The following AXIN1 variants were observed in gnomAD, a reference collection of about 807,000 sequenced individuals.
The protein encoded by AXIN1 is axin-1.
In AXIN1, 30 loss-of-function variants were observed where a neutral mutation model predicts 76.4. The observed-to-expected ratio is 0.39, with a 90% CI of 0.29 to 0.53. The LOEUF is 0.53. Ranked by LOEUF, AXIN1 falls within the 20% of genes least tolerant of loss-of-function variation. The pLI, the probability that AXIN1 is intolerant of heterozygous loss-of-function variation, is 0.66. For synonymous variants in AXIN1, 545 were observed against 501.4 expected, an observed-to-expected ratio of 1.09 and a Z score of -1.16; for missense variants, 1,140 against 1,198.8, an observed-to-expected ratio of 0.95 and a Z score of 0.72.
intron 2 of AXIN1, among the ~76,000 whole-genome samples, chr16:330,809 G>A (rs1358085992): frequency 6.6e-6 from 1 of 152,186 alleles, no homozygotes; most frequent in East Asian, 1.9e-4. Flanking sequence ...AAGCCCCCAG[G>A]AATTTACTGG....
rs562247902 is a variant in AXIN1 at position 298,204 on chromosome 16, C to T, written c.1302G>A (p.Pro434=). ...CGGGGGCGGGAGGCAGCTTGTGACACGGCCCTGGGGGCCCTGACGATGGAT... is the reference window on the plus strand; with the variant it reads ...CGGGGGCGGGAGGCAGCTTGTGACATGGCCCTGGGGGCCCTGACGATGGAT... ...DGDPSSGPPG[P]CHKLPPAPAW... Residue 434 remains proline (P), a synonymous_variant, in exon 6 of 11, where the codon CCG becomes CCA. Transcript: ENST00000262320. 11 of 1,541,186 alleles carry T rather than the reference C, an allele frequency of 7.1e-6. No individual in the cohort carries two copies. Among genetic ancestry groups the T allele is most frequent in the South Asian group, 1.2e-5 (1 of 84,140 alleles).
rs979238700 is a variant in AXIN1, at chr16:352,434, T to G, written c.-147A>C. 3.1e-6 allele frequency: 3 copies of G among 972,732 alleles called. No individual in the cohort carries two copies. The highest frequency in any genetic ancestry group is 3.6e-5 in the African/African-American group (2 of 56,064). 60.3% of individuals were successfully genotyped at this position (972,732 alleles called of 1,614,324 possible). A position where few individuals can be genotyped will look rare whatever the true frequency, so the allele number is the denominator to read the frequency against. ...AGCGGCGCGGCGCGGTCCGGGCCCA[T>G]GCGCTCAGCGGCAGCGCGGCGGGCG... On this transcript the variant is annotated 5_prime_UTR_variant, in exon 1 of 11. An upstream start codon of the reference 5' UTR is lost. Coordinates refer to ENST00000262320, the MANE Select transcript of AXIN1 (RefSeq NM_003502.4).
chr16:289,429 C>T lies in AXIN1; in HGVS notation c.2462+11G>A, dbSNP rs2141466967. 6.2e-7 allele frequency: 1 copy of T among 1,612,778 alleles called. No individual in the cohort carries two copies. Among genetic ancestry groups the T allele is most frequent in the Non-Finnish European group, 8.5e-7 (1 of 1,179,968 alleles). ...CGTGCGGGGAGGGGGCACCCCAGCCCTCACACTCACCTGTAGCTGCCCTTT... is the reference window on the plus strand; with the variant it reads ...CGTGCGGGGAGGGGGCACCCCAGCCTTCACACTCACCTGTAGCTGCCCTTT... On this transcript the variant is annotated intron_variant, in intron 10 of 10. Transcript: ENST00000262320.
intron 2 of AXIN1, among the ~76,000 whole-genome samples, chr16:341,217 G>A (rs545783373): frequency 2.0e-4 from 30 of 152,392 alleles, no homozygotes; most frequent in African/African-American, 6.7e-4. Flanking sequence ...CCCTTTCTGG[G>A]CTGGCCAAGG....
At chr16:319,026 A>G (rs1420653788) in intron 2 of AXIN1, among the ~76,000 whole-genome samples, 1 of 152,116 alleles carries the variant, frequency 6.6e-6, no homozygotes, top group Non-Finnish European at 1.5e-5. Flanking sequence ...AGCTGTGCCC[A>G]GCCCCCCACG....
At chr16:319,320 T>C (rs2053385497) in intron 2 of AXIN1, among the ~76,000 whole-genome samples, 1 of 152,136 alleles carries the variant, frequency 6.6e-6, no homozygotes, top group Non-Finnish European at 1.5e-5. Flanking sequence ...CTCCAGACTC[T>C]GTCTCAAAAA....
chr16:351,094 T>C (rs970218747), intron 1 of AXIN1, among the ~76,000 whole-genome samples: 11 of 147,014 alleles, frequency 7.5e-5, no homozygotes, highest in African/African-American at 2.8e-4. Context: ...ATCACGCCAT[T>C]GGACTCCAGC....
chr16:332,663 CAAA>C (rs34523667), intron 2 of AXIN1, among the ~76,000 whole-genome samples: 4 of 113,746 alleles, frequency 3.5e-5, no homozygotes, highest in African/African-American at 3.1e-5. Context: ...TGATCTAAAC[CAAA>C]AAAAAAAAAA....
At chr16:319,140 G>C (rs17136099) in intron 2 of AXIN1, among the ~76,000 whole-genome samples, 1 of 152,082 alleles carries the variant, frequency 6.6e-6, no homozygotes, top group Non-Finnish European at 1.5e-5. Flanking sequence ...GTAGAGCCAG[G>C]TAGTGACAGA....
Position 297,997 on chromosome 16 carries a change from T to G in AXIN1, c.1509A>C (p.Pro503=). Residue 503 remains proline, a synonymous_variant, in exon 6 of 11, where the codon CCA becomes CCC. Transcript: ENST00000262320. ...CCGAGGCGGCACCCCCCAGTGCCACTGGCATCTTGGCCACGTGCCCACTGT... is the reference window on the plus strand; with the variant it reads ...CCGAGGCGGCACCCCCCAGTGCCACGGGCATCTTGGCCACGTGCCCACTGT... ...SPDSGHVAKM[P]VALGGAASGH... 6.2e-7 allele frequency: 1 copy of G among 1,600,478 alleles called. No homozygotes were observed. The highest frequency in any genetic ancestry group is 1.1e-5 in the South Asian group (1 of 90,406).
chr16:352,345 G>T, intron 1 of AXIN1, 24 bp downstream of exon 1: 1 of 979,050 alleles, frequency 1.0e-6, no homozygotes, highest in Non-Finnish European at 1.2e-6. Context: ...GGCCTAGCCC[G>T]CCCCGGAGCC....
intron 2 of AXIN1, among the ~76,000 whole-genome samples, chr16:316,068 A>C (rs569475755): frequency 2.0e-4 from 30 of 152,162 alleles, no homozygotes; most frequent in East Asian, 1.9e-3. Context: ...TAAAATAAAT[A>C]AATCAATCAG....
At chr16:337,069 G>A (rs182875743) in intron 2 of AXIN1, among the ~76,000 whole-genome samples, 1 of 142,200 alleles carries the variant, frequency 7.0e-6, no homozygotes, top group Non-Finnish European at 1.5e-5. Flanking sequence ...AGGAGCTCTT[G>A]AGCCTGGGAG....
rs2052768804 is a variant in AXIN1 at position 298,149 on chromosome 16, C to T, written c.1357G>A (p.Asp453Asn). 6.5e-7 allele frequency: 1 copy of T among 1,543,768 alleles called. No homozygotes were observed. The change falls in exon 6 of 11, where the codon GAC (aspartate) becomes AAC (asparagine). Residue 453 changes from aspartate (D) to asparagine (N), a missense_variant. Physicochemically the swap from Asp to Asn is conservative, Grantham distance 23. Transcript: ENST00000262320. ...TCCCGGAGCCCGGCACAGCCCATGTCCACACAGCGGGGCGGGAAGTGGTGC... is the reference window on the plus strand; with the variant it reads ...TCCCGGAGCCCGGCACAGCCCATGTTCACACAGCGGGGCGGGAAGTGGTGC... ...AWHHFPPRCV[D>N]MGCAGLRDAH...
At chr16:315,704 G>A (rs2053284348) in intron 2 of AXIN1, among the ~76,000 whole-genome samples, 1 of 152,106 alleles carries the variant, frequency 6.6e-6, no homozygotes, top group African/African-American at 2.4e-5. Context: ...GCGGGCGCCT[G>A]TAGTCCCAGA....
chr16:331,793 G>T (rs1046787122), intron 2 of AXIN1, among the ~76,000 whole-genome samples: 22 of 152,334 alleles, frequency 1.4e-4, no homozygotes, highest in Non-Finnish European at 2.5e-4. Flanking sequence ...AAGCAAAGGT[G>T]CAAGCCTGAC....
chr16:344,699 G>A (rs891494302), intron 2 of AXIN1, among the ~76,000 whole-genome samples: 2 of 152,038 alleles, frequency 1.3e-5, no homozygotes, highest in Non-Finnish European at 2.9e-5. Context: ...ACGTTGGCCA[G>A]GATGGTCTCG....
At chr16:306,654 C>T (rs942995290) in intron 4 of AXIN1, among the ~76,000 whole-genome samples, 2 of 152,180 alleles carry the variant, frequency 1.3e-5, no homozygotes, top group South Asian at 2.1e-4. Context: ...CCACAGTAGA[C>T]GAGGCTCAGA....
At chr16:317,173 G>T (rs560527038) in intron 2 of AXIN1, among the ~76,000 whole-genome samples, 1 of 152,176 alleles carries the variant, frequency 6.6e-6, no homozygotes, top group Non-Finnish European at 1.5e-5. Flanking sequence ...CAAGATGGGA[G>T]GGGGGCAGGC....
Sources: gnomAD v4.1 joint callset for allele counts (sites outside exome capture counted in the v4.1 genomes callset) on GRCh38, gnomAD v4.1.1 for gene constraint, MANE v1.5 for transcripts, NCBI Gene and HGNC (gene_info 2026-07-23, HGNC 2026-07-21) for gene names.